Variants in SHISA9 observed in about 807,000 individuals in gnomAD.
SHISA9 encodes the protein protein shisa-9.
Under a neutral mutation model 38.0 loss-of-function variants are expected in SHISA9, and 13 were observed. The ratio of observed to expected loss-of-function variants is 0.34; its 90% CI spans 0.22 to 0.54. The LOEUF is 0.54. Ranked by LOEUF, SHISA9 falls within the 20% of genes least tolerant of loss-of-function variation. The pLI is 0.91. For missense variants in SHISA9, 538 were observed against 575.8 expected, an observed-to-expected ratio of 0.93 and a Z score of 0.67; for synonymous variants, 275 against 242.0, an observed-to-expected ratio of 1.14 and a Z score of -1.27.
chr16:13,222,823 C>A (rs527629196), intron 4 of SHISA9, among the ~76,000 whole-genome samples: 113 of 148,914 alleles, frequency 7.6e-4, no homozygotes, highest in Non-Finnish European at 1.4e-3. Flanking sequence ...CATACACACA[C>A]CACAAGGTGT....
intron 2 of SHISA9, among the ~76,000 whole-genome samples, chr16:13,152,380 G>T (rs1265668355): frequency 6.6e-6 from 1 of 152,130 alleles, no homozygotes; most frequent in Non-Finnish European, 1.5e-5. Flanking sequence ...CAAGGCTCAT[G>T]GGTTATAAGC....
At chr16:12,943,680 G>A (rs924593329) in intron 2 of SHISA9, among the ~76,000 whole-genome samples, 10 of 152,108 alleles carry the variant, frequency 6.6e-5, no homozygotes, top group African/African-American at 2.4e-4. Context: ...ATGTGCTGGA[G>A]GTAGAAAGTT....
chr16:13,372,953 T>C, the SHISA9 span, among the ~76,000 whole-genome samples: 3 of 152,252 alleles, frequency 2.0e-5, no homozygotes, highest in Admixed American at 1.3e-4. Flanking sequence ...AAATATTTAA[T>C]GTATTGGATA....
chr16:13,200,015 C>G (rs369377939), intron 2 of SHISA9, among the ~76,000 whole-genome samples: 2 of 152,180 alleles, frequency 1.3e-5, no homozygotes, highest in African/African-American at 4.8e-5. Flanking sequence ...AGCTCTCAAC[C>G]AATGACTAAT....
At chr16:12,929,393 T>G (rs1273999032) in intron 2 of SHISA9, among the ~76,000 whole-genome samples, 1 of 152,198 alleles carries the variant, frequency 6.6e-6, no homozygotes, top group Non-Finnish European at 1.5e-5. Flanking sequence ...TCAATCTAAA[T>G]GCCCATCAAT....
At position 12,938,664 on chromosome 16, in the gene SHISA9, A is replaced by AT. The variant is rs572068246; in HGVS notation, c.691+21859dup. ...CGGCACCTGCCACCACGCCCAGCTA[A>AT]TTTTTTTTTTGTATTTTTAGTAGAG... On this transcript the variant is annotated intron_variant, in intron 2 of 4. Coordinates refer to ENST00000558583, the MANE Select transcript of SHISA9 (RefSeq NM_001145204.3). 4.0e-3 allele frequency among the ~76,000 whole-genome samples: 603 copies of AT among 149,520 alleles called. 4 individuals are homozygous for AT. Among genetic ancestry groups the AT allele is most frequent in the African/African-American group, 0.013 (540 of 40,734 alleles).
At chr16:12,958,285 G>A (rs1454214069) in intron 2 of SHISA9, among the ~76,000 whole-genome samples, 8 of 152,182 alleles carry the variant, frequency 5.3e-5, no homozygotes, top group Non-Finnish European at 2.9e-5. Flanking sequence ...TGGACATCTA[G>A]GTTGCTTTCC....
chr16:13,501,279 C>T, the SHISA9 span, among the ~76,000 whole-genome samples: 1 of 152,004 alleles, frequency 6.6e-6, no homozygotes, highest in Non-Finnish European at 1.5e-5. Context: ...CCCCCTACGA[C>T]AAAGAATTAC....
At chr16:13,105,451 G>A (rs2073916941) in intron 2 of SHISA9, among the ~76,000 whole-genome samples, 1 of 152,136 alleles carries the variant, frequency 6.6e-6, no homozygotes, top group South Asian at 2.1e-4. Context: ...CCGGGCTCCT[G>A]GGCTTCTGCT....
intron 2 of SHISA9, among the ~76,000 whole-genome samples, chr16:13,102,356 C>T (rs20501): frequency 6.6e-6 from 1 of 152,136 alleles, no homozygotes; most frequent in Non-Finnish European, 1.5e-5. Context: ...GGCTGCTATT[C>T]TGGTAGAATT....
chr16:13,104,465 TA>T (rs1460265420), intron 2 of SHISA9, among the ~76,000 whole-genome samples: 2 of 152,174 alleles, frequency 1.3e-5, no homozygotes, highest in Non-Finnish European at 2.9e-5. Context: ...AATCAATTAG[TA>T]AATGGATAAA....
intron 2 of SHISA9, among the ~76,000 whole-genome samples, chr16:13,175,794 A>G (rs928039043): frequency 3.9e-5 from 6 of 152,172 alleles, no homozygotes; most frequent in Non-Finnish European, 8.8e-5. Context: ...CACTTTGATA[A>G]TAAAATATGC....
At chr16:13,558,749 G>A in the SHISA9 span, among the ~76,000 whole-genome samples, 3 of 152,184 alleles carry the variant, frequency 2.0e-5, no homozygotes, top group Non-Finnish European at 4.4e-5. Context: ...GCACACAAAT[G>A]TGACAAATAT....
chr16:13,033,490 T>C (rs964094020), intron 2 of SHISA9, among the ~76,000 whole-genome samples: 29 of 152,212 alleles, frequency 1.9e-4, no homozygotes, highest in African/African-American at 6.3e-4. Flanking sequence ...ATGATCTTCA[T>C]AATCATAGTA....
At chr16:13,297,857 A>G in the SHISA9 span, among the ~76,000 whole-genome samples, 2 of 152,298 alleles carry the variant, frequency 1.3e-5, no homozygotes, top group Admixed American at 6.5e-5. Context: ...CCGAGGTCCA[A>G]GCAATTCTCC....
rs201506004 is a variant in SHISA9 at position 13,008,894 on chromosome 16, C to T, written c.691+92079C>T. On this transcript the variant is annotated intron_variant, in intron 2 of 4. Transcript: ENST00000558583. ...GCCTTAAGAAATGTTTGATGACTGA[C>T]TGAGTGTAATATAATGAATATAAAT... Among the ~76,000 whole-genome samples the T allele has an allele frequency of 2.0e-5, 3 of 151,910 alleles. No individual in the cohort carries two copies. In the East Asian group the frequency reaches 5.8e-4, roughly 29 times the overall value.
intron 3 of SHISA9, among the ~76,000 whole-genome samples, chr16:13,209,641 TGTTGAG>T (rs1378595833): frequency 2.8e-4 from 43 of 152,292 alleles, no homozygotes; most frequent in Admixed American, 2.5e-3. Context: ...TTCCCACCAA[TGTTGAG>T]GTTGAGAAGT....
chr16:13,411,967 A>G, the SHISA9 span, among the ~76,000 whole-genome samples: 5 of 151,718 alleles, frequency 3.3e-5, no homozygotes, highest in African/African-American at 9.8e-5. Context: ...ACCATCTACA[A>G]TAGTCAGCAG....
chr16:13,126,466 T>G (rs1207737651), intron 2 of SHISA9, among the ~76,000 whole-genome samples: 205 of 103,946 alleles, frequency 2.0e-3, no homozygotes, highest in East Asian at 2.6e-3. Context: ...GATTGAGGGA[T>G]GGAGAGGGAA....
Sources: allele counts gnomAD v4.1 joint callset (sites outside exome capture counted in the v4.1 genomes callset), GRCh38; gene constraint gnomAD v4.1.1; transcripts MANE v1.5; gene names NCBI Gene and HGNC (gene_info 2026-07-23, HGNC 2026-07-21).